Variants in CADM2 observed in about 807,000 individuals in gnomAD.
CADM2 encodes the protein immunoglobulin superfamily member 4D.
A neutral mutation model predicts 49.8 loss-of-function variants in CADM2; 12 were observed. That is an observed-to-expected ratio of 0.24 (90% confidence interval 0.15 to 0.39). CADM2 has a LOEUF of 0.39. CADM2 is among the 10% of genes least tolerant of loss of function. The pLI is 1.00. For synonymous variants in CADM2, 214 were observed against 175.4 expected (o/e 1.22, Z -1.74); for missense variants, 378 against 492.3 (o/e 0.77, Z 2.20).
chr3:85,108,689 C>T (rs1462316790), intron 1 of CADM2, among the ~76,000 whole-genome samples: 1 of 150,314 alleles, frequency 6.7e-6, no homozygotes, highest in South Asian at 2.1e-4. Context: ...TATTTTACCA[C>T]AATAAAAAAA....
chr3:85,147,633 T>C (rs1293425236), intron 1 of CADM2, among the ~76,000 whole-genome samples: 1 of 152,192 alleles, frequency 6.6e-6, no homozygotes, highest in Admixed American at 6.5e-5. Context: ...ATAGTCTTCA[T>C]AGATATGTAT....
At chr3:85,739,019 G>A (rs1269704976) in intron 2 of CADM2, among the ~76,000 whole-genome samples, 1 of 151,980 alleles carries the variant, frequency 6.6e-6, no homozygotes, top group African/African-American at 2.4e-5. Context: ...AGTATGTATA[G>A]TACCAAACAT....
chr3:85,773,870 T>C (rs1197562982), intron 2 of CADM2, among the ~76,000 whole-genome samples: 1 of 151,976 alleles, frequency 6.6e-6, no homozygotes, highest in Non-Finnish European at 1.5e-5. Flanking sequence ...ACAGAAATAC[T>C]AGAAATTGAT....
intron 7 of CADM2, among the ~76,000 whole-genome samples, chr3:85,959,317 A>T (rs1041650468): frequency 2.0e-5 from 3 of 151,788 alleles, no homozygotes; most frequent in Non-Finnish European, 4.4e-5. Context: ...GAAGCTCTCC[A>T]AACCCTGCCC....
chr3:85,663,679 A>C (rs1415199921), intron 1 of CADM2, among the ~76,000 whole-genome samples: 1 of 151,944 alleles, frequency 6.6e-6, no homozygotes, highest in Non-Finnish European at 1.5e-5. Context: ...TTTTTCCTCC[A>C]TCAGATGTTT....
chr3:85,913,394 A>G (rs1038693898), intron 6 of CADM2, among the ~76,000 whole-genome samples: 1 of 152,210 alleles, frequency 6.6e-6, no homozygotes, highest in Non-Finnish European at 1.5e-5. Context: ...TAGATAATGA[A>G]GATTTTGTTT....
At chr3:85,791,521 GGAGAGAGAGAGAGAGAGAGAGAAAGA>G (rs1559659787) in intron 2 of CADM2, among the ~76,000 whole-genome samples, 1 of 131,296 alleles carries the variant, frequency 7.6e-6, no homozygotes, top group South Asian at 2.5e-4. Context: ...GGGTGGGGAG[GGAGAGAGAGAGAGAGAGAGAGAAAGA>G]GAGAGAGAGA....
chr3:85,128,555 G>A lies in CADM2; in HGVS notation c.61+168887G>A, dbSNP rs557381039. 5.3e-5 allele frequency among the ~76,000 whole-genome samples: 8 copies of A among 152,244 alleles called. No homozygotes were observed. The East Asian group carries it at 9.7e-4, about 18-fold the overall frequency. ...GTATGAGTTTAATTTGTGTTGTAAA[G>A]GTCTTAGAAGGGTCTGAAAGCCTCA... is the stretch of plus-strand genomic sequence containing the variant. On this transcript the variant is annotated intron_variant, in intron 1 of 9. Coordinates refer to ENST00000383699, the MANE Select transcript of CADM2 (RefSeq NM_001167675.2).
At chr3:85,667,521 T>G (rs13060858) in intron 1 of CADM2, among the ~76,000 whole-genome samples, 58,268 of 151,666 alleles carry the variant, frequency 0.38, 12,287 homozygotes, top group East Asian at 0.54. Flanking sequence ...GTAAAATAGG[T>G]ATAAGTGAAG....
intron 1 of CADM2, among the ~76,000 whole-genome samples, chr3:85,425,953 C>T (rs1232479302): frequency 1.3e-5 from 2 of 152,092 alleles, no homozygotes; most frequent in African/African-American, 4.8e-5. Flanking sequence ...ACATGTTCTG[C>T]TACTTGAGAA....
At chr3:85,176,467 G>A (rs561458063) in intron 1 of CADM2, among the ~76,000 whole-genome samples, 1 of 152,278 alleles carries the variant, frequency 6.6e-6, no homozygotes, top group East Asian at 1.9e-4. Flanking sequence ...TTAGATGAAT[G>A]TCAGAAACCT....
chr3:85,526,565 C>G (rs1351589101), intron 1 of CADM2, among the ~76,000 whole-genome samples: 1 of 152,108 alleles, frequency 6.6e-6, no homozygotes, highest in African/African-American at 2.4e-5. Context: ...GAATGTATCC[C>G]TGTGACTCTG....
In CADM2 at chr3:85,568,933, A is replaced by G. The variant is rs529817082; in HGVS notation, c.62-157589A>G. Among the ~76,000 whole-genome samples the G allele has an allele frequency of 2.0e-5, 3 of 152,280 alleles. No individual in the cohort carries two copies. The South Asian group carries it at 6.2e-4, about 32-fold the overall frequency. ...AGTTTGCACTCCTCTCTGTAGGCAC[A>G]TTGACATAGTTTTTCATTTTAATCA... On this transcript the variant is annotated intron_variant, in intron 1 of 9. Transcript: ENST00000383699.
chr3:85,197,669 G>C (rs2041376544), intron 1 of CADM2, among the ~76,000 whole-genome samples: 2 of 151,860 alleles, frequency 1.3e-5, no homozygotes, highest in African/African-American at 4.8e-5. Context: ...CTTCCATTTG[G>C]GGGATTTAAT....
At chr3:85,660,485 A>C (rs997779017) in intron 1 of CADM2, among the ~76,000 whole-genome samples, 5 of 151,902 alleles carry the variant, frequency 3.3e-5, no homozygotes, top group African/African-American at 1.2e-4. Context: ...TCTAGTACAA[A>C]AGAAATGCTT....
intron 1 of CADM2, among the ~76,000 whole-genome samples, chr3:85,232,470 A>G (rs146673005): frequency 1.7e-3 from 265 of 152,290 alleles, no homozygotes; most frequent in African/African-American, 6.0e-3. Context: ...TAAAAATACA[A>G]AGAAAAGACA....
intron 1 of CADM2, among the ~76,000 whole-genome samples, chr3:85,406,943 T>C (rs1346679820): frequency 6.6e-6 from 1 of 152,130 alleles, no homozygotes; most frequent in Non-Finnish European, 1.5e-5. Context: ...TGCCCGTAAT[T>C]GCCTCACTTT....
At position 86,069,436 on chromosome 3, in the gene CADM2, G is replaced by T. The variant is rs1739646836; in HGVS notation, c.*2653G>T. 1.3e-5 allele frequency: 2 copies of T among 151,938 alleles called. No homozygotes were observed. Among genetic ancestry groups the T allele is most frequent in the African/African-American group, 4.8e-5 (2 of 41,428 alleles). The allele number at this position is 151,938 out of a possible 1,614,324, so 9.4% of individuals were successfully genotyped here. A position where few individuals can be genotyped will look rare whatever the true frequency, so the allele number is the denominator to read the frequency against. ...TAGTTTGATTTAAATGAGACACCATGTTCTGAACTGGAGAAAACAATATCA... is the reference window on the plus strand; with the variant it reads ...TAGTTTGATTTAAATGAGACACCATTTTCTGAACTGGAGAAAACAATATCA... On this transcript the variant is annotated 3_prime_UTR_variant, in exon 10 of 10. Transcript: ENST00000383699.
intron 8 of CADM2, among the ~76,000 whole-genome samples, chr3:86,027,032 A>G (rs897552534): frequency 2.0e-5 from 3 of 152,192 alleles, no homozygotes; most frequent in Non-Finnish European, 4.4e-5. Flanking sequence ...CAAGAAAAAA[A>G]GACAATTCAG....
Sources: gnomAD v4.1 joint callset for allele counts (sites outside exome capture counted in the v4.1 genomes callset) on GRCh38, gnomAD v4.1.1 for gene constraint, MANE v1.5 for transcripts, NCBI Gene and HGNC (gene_info 2026-07-23, HGNC 2026-07-21) for gene names.